Variants in DNM3 observed in about 807,000 individuals in gnomAD.
The protein encoded by DNM3 is dynamin-3.
In DNM3, 47 loss-of-function variants were observed where a neutral mutation model predicts 101.6. The observed-to-expected ratio is 0.46, with a 90% CI of 0.37 to 0.59. The LOEUF (loss-of-function observed/expected upper bound fraction) is 0.59. Ranked by LOEUF, DNM3 falls within the 20% of genes least tolerant of loss-of-function variation. The probability of loss-of-function intolerance (pLI) is 0.00; values close to 1 mark genes in which losing one functional copy is unlikely to be tolerated. For missense variants in DNM3, 849 were observed against 1,085.7 expected (o/e 0.78, Z 3.06); for synonymous variants, 385 against 387.9 (o/e 0.99, Z 0.09).
At chr1:172,143,634 T>C (rs954259678) in intron 14 of DNM3, among the ~76,000 whole-genome samples, 1 of 152,146 alleles carries the variant, frequency 6.6e-6, no homozygotes, top group African/African-American at 2.4e-5. Flanking sequence ...TGCCTTATTT[T>C]AAATGCTCAG....
chr1:172,035,703 G>C (rs2048905894), intron 6 of DNM3, among the ~76,000 whole-genome samples: 1 of 152,234 alleles, frequency 6.6e-6, no homozygotes, highest in East Asian at 1.9e-4. Context: ...GGTTTCTTGT[G>C]GTTGCTGGTT....
chr1:172,093,868 C>A (rs2054078427), intron 13 of DNM3: 1 of 685,726 alleles, frequency 1.5e-6, no homozygotes, highest in Non-Finnish European at 2.4e-6. Context: ...AACACCCTAT[C>A]ATTGAAATAA....
intron 14 of DNM3, among the ~76,000 whole-genome samples, chr1:172,251,999 GTATT>G (rs1443128049): frequency 1.3e-5 from 2 of 152,174 alleles, no homozygotes; most frequent in Non-Finnish European, 2.9e-5. Context: ...ATTAAATTAT[GTATT>G]TGCTGTTTAG....
At chr1:172,249,928 C>T (rs2062102948) in intron 14 of DNM3, among the ~76,000 whole-genome samples, 2 of 152,052 alleles carry the variant, frequency 1.3e-5, no homozygotes, top group Admixed American at 1.3e-4. Flanking sequence ...ACAAATATCA[C>T]ATATTTTAAA....
In DNM3 at chr1:172,180,130, T is replaced by A. The variant is rs537848392; in HGVS notation, c.1659+48842T>A. The stretch of plus-strand genomic sequence containing the variant: ...TGGCAGTTTGCCCTGTAGGAACAAA[T>A]CTAGTCTATGTGGATATACTATCAT... On this transcript the variant is annotated intron_variant, in intron 14 of 20. Transcript: ENST00000627582. 7.2e-5 allele frequency among the ~76,000 whole-genome samples: 11 copies of A among 152,190 alleles called. No homozygotes were observed. In the South Asian group the frequency reaches 1.0e-3, roughly 14 times the overall value.
intron 20 of DNM3, among the ~76,000 whole-genome samples, chr1:172,396,094 T>C (rs914529063): frequency 3.9e-5 from 6 of 152,306 alleles, no homozygotes; most frequent in Admixed American, 3.9e-4. Context: ...AGCCACGCAA[T>C]AGGCAAAACC....
chr1:171,910,595 A>C, intron 1 of DNM3, among the ~76,000 whole-genome samples: 1 of 152,214 alleles, frequency 6.6e-6, no homozygotes, highest in East Asian at 1.9e-4. Context: ...AGCAAGAGAT[A>C]ATCACTACTT....
intron 15 of DNM3, among the ~76,000 whole-genome samples, chr1:172,260,809 C>T (rs1388023252): frequency 1.3e-5 from 2 of 151,834 alleles, no homozygotes; most frequent in Non-Finnish European, 2.9e-5. Flanking sequence ...CAGATATGTA[C>T]AGTTGTTCAG....
chr1:172,016,154 T>C (rs2047438719), intron 4 of DNM3, among the ~76,000 whole-genome samples: 2 of 147,196 alleles, frequency 1.4e-5, no homozygotes. Flanking sequence ...GCCACTGCAC[T>C]CCAGTCTGGG....
At chr1:172,320,994 A>T (rs551660333) in intron 16 of DNM3, among the ~76,000 whole-genome samples, 166 of 152,312 alleles carry the variant, frequency 1.1e-3, no homozygotes, top group Non-Finnish European at 1.0e-3. Context: ...TTTTCTTAAG[A>T]GATTAAAAAT....
At chr1:172,242,477 CT>C (rs1276289262) in intron 14 of DNM3, among the ~76,000 whole-genome samples, 2 of 152,184 alleles carry the variant, frequency 1.3e-5, no homozygotes, top group African/African-American at 4.8e-5. Context: ...GGATCTCACT[CT>C]GTCATCTAGG....
rs1025443021 is a variant in DNM3, at chr1:171,935,981, A to G, written c.235+14160A>G. Among the ~76,000 whole-genome samples, 130 of 151,662 alleles carry G rather than the reference A, an allele frequency of 8.6e-4. 1 individual carries two copies. The highest frequency in any genetic ancestry group is 3.4e-3 in the Middle Eastern group (1 of 292). On this transcript the variant is annotated intron_variant, in intron 2 of 20. Coordinates refer to ENST00000627582, the MANE Select transcript of DNM3 (RefSeq NM_015569.5). ...TACAGTGTTGCTAATTTAAGAAACAATCCATTTGGAATTTGATATGCCCCC... is the reference window on the plus strand; with the variant it reads ...TACAGTGTTGCTAATTTAAGAAACAGTCCATTTGGAATTTGATATGCCCCC...
At chr1:172,016,464 A>G (rs911424096) in intron 4 of DNM3, among the ~76,000 whole-genome samples, 1 of 152,232 alleles carries the variant, frequency 6.6e-6, no homozygotes, top group Non-Finnish European at 1.5e-5. Context: ...CAGTATTTCT[A>G]TACTTGGGAT....
At chr1:172,230,468 T>A (rs1416126368) in intron 14 of DNM3, among the ~76,000 whole-genome samples, 2 of 152,204 alleles carry the variant, frequency 1.3e-5, no homozygotes, top group African/African-American at 4.8e-5. Flanking sequence ...GAACACTTGG[T>A]GCTCTATTGA....
chr1:172,263,873 A>G (rs2062760948), intron 15 of DNM3, among the ~76,000 whole-genome samples: 2 of 152,218 alleles, frequency 1.3e-5, no homozygotes, highest in Admixed American at 1.3e-4. Context: ...TGAGTGTCAT[A>G]CATTTATTTT....
At chr1:171,852,761 G>T (rs958868088) in intron 1 of DNM3, among the ~76,000 whole-genome samples, 1 of 152,198 alleles carries the variant, frequency 6.6e-6, no homozygotes, top group Non-Finnish European at 1.5e-5. Flanking sequence ...AAATGGAATG[G>T]ATTGCCTGTG....
intron 1 of DNM3, among the ~76,000 whole-genome samples, chr1:171,850,042 A>C (rs1445548029): frequency 6.6e-6 from 1 of 152,212 alleles, no homozygotes; most frequent in Non-Finnish European, 1.5e-5. Flanking sequence ...GTTAGATGAA[A>C]TTGCAGGCAA....
rs576547471 is a variant in DNM3 at position 172,190,645 on chromosome 1, G to T, written c.1659+59357G>T. On this transcript the variant is annotated intron_variant, in intron 14 of 20. Transcript: ENST00000627582. ...ACAGTCCCACCAACAGTATAAAAGTGTTCCTATTTCTCCACATGCTCTCCA... is the reference window on the plus strand; with the variant it reads ...ACAGTCCCACCAACAGTATAAAAGTTTTCCTATTTCTCCACATGCTCTCCA... Among the ~76,000 whole-genome samples, 705 of 152,234 alleles carry T rather than the reference G, an allele frequency of 4.6e-3. 12 individuals are homozygous for T. The highest frequency in any genetic ancestry group is 0.016 in the African/African-American group (657 of 41,540).
At chr1:171,959,313 A>C (rs1248521588) in intron 2 of DNM3, among the ~76,000 whole-genome samples, 4 of 152,130 alleles carry the variant, frequency 2.6e-5, no homozygotes, top group African/African-American at 9.7e-5. Flanking sequence ...TTGATATATT[A>C]AAAAGATAAT....
Sources: gnomAD v4.1 joint callset for allele counts (sites outside exome capture counted in the v4.1 genomes callset) on GRCh38, gnomAD v4.1.1 for gene constraint, MANE v1.5 for transcripts, NCBI Gene and HGNC (gene_info 2026-07-23, HGNC 2026-07-21) for gene names.